The following GPATCH11 variants were observed in gnomAD, a reference collection of about 807,000 sequenced individuals.
The protein encoded by GPATCH11 is G-patch domain containing 11.
A neutral mutation model predicts 44.8 loss-of-function variants in GPATCH11; 32 were observed. The ratio of observed to expected loss-of-function variants is 0.71; its 90% CI spans 0.54 to 0.96. The LOEUF (loss-of-function observed/expected upper bound fraction) is 0.96. Among genes scored for constraint, GPATCH11 ranks in the 40% least tolerant of loss-of-function variants. GPATCH11 has a pLI of 0.00. For synonymous variants in GPATCH11, 84 were observed against 94.4 expected (o/e 0.89, Z 0.64); for missense variants, 324 against 303.1 (o/e 1.07, Z -0.51).
intron 8 of GPATCH11, 90 bp from the exon 9 acceptor site, chr2:37,096,118 C>G: frequency 1.3e-6 from 1 of 771,962 alleles, no homozygotes; most frequent in Non-Finnish European, 2.1e-6. Flanking sequence ...TAGAAAACAT[C>G]AGATCAAAAA....
intron 8 of GPATCH11, among the ~76,000 whole-genome samples, chr2:37,095,849 G>C (rs1673550825): frequency 6.6e-6 from 1 of 152,052 alleles, no homozygotes; most frequent in Non-Finnish European, 1.5e-5. Context: ...TTAAATTTTA[G>C]AGCTAATTTT....
intron 6 of GPATCH11, among the ~76,000 whole-genome samples, chr2:37,092,473 A>T (rs1405508390): frequency 7.4e-6 from 1 of 135,574 alleles, no homozygotes; most frequent in East Asian, 2.0e-4. Flanking sequence ...ATGTATTTAT[A>T]TATATAATAT....
Position 37,092,044 on chromosome 2 carries a change from T to G in GPATCH11, c.449+8T>G. The G allele has an allele frequency of 6.2e-7, 1 of 1,612,304 alleles. No homozygotes were observed. On this transcript the variant is annotated splice_region_variant and intron_variant, in intron 5 of 8. Transcript: ENST00000674370. ...AGCTGCAGAACAGTTTCGGTAAAAC[T>G]ATTTTTGAGCTGGTTTTGGTTCTAT...
rs888714209 is a variant in GPATCH11, at chr2:37,094,858, G to A, written c.655-579G>A. On this transcript the variant is annotated intron_variant, in intron 7 of 8. Transcript: ENST00000674370. The stretch of plus-strand genomic sequence containing the variant: ...CAGGAGGCTGAGGTAGGAGGATCAC[G>A]TGAGCCCGGGAGGCAGAGGTTGCGG... 5.3e-5 allele frequency among the ~76,000 whole-genome samples: 8 copies of A among 151,556 alleles called. No homozygotes were observed. The East Asian group carries it at 1.2e-3, about 22-fold the overall frequency.
rs555467057 is a variant in GPATCH11 at position 37,098,769 on chromosome 2, G to A, written c.*2506G>A. 5.9e-5 allele frequency: 9 copies of A among 152,294 alleles called. No individual in the cohort carries two copies. The highest frequency in any genetic ancestry group is 1.9e-4 in the East Asian group (1 of 5,182). The allele number at this position is 152,294 out of a possible 1,614,324, so 9.4% of individuals were successfully genotyped here. A position where few individuals can be genotyped will look rare whatever the true frequency, so the allele number is the denominator to read the frequency against. On this transcript the variant is annotated 3_prime_UTR_variant, in exon 9 of 9. Transcript: ENST00000674370. ...AAGATAAAAATACAGGCTTTCAGCC[G>A]GGTGCAGTGGTGCATGCCTTTGGTC...
At chr2:37,086,262 G>C (rs74679441) in intron 1 of GPATCH11, among the ~76,000 whole-genome samples, 1 of 152,172 alleles carries the variant, frequency 6.6e-6, no homozygotes, top group Non-Finnish European at 1.5e-5. Context: ...GTATTAAGCT[G>C]TACATTTGTT....
intron 1 of GPATCH11, among the ~76,000 whole-genome samples, 193 bp downstream of exon 1, chr2:37,084,763 T>G (rs1177208231): frequency 6.6e-6 from 1 of 152,116 alleles, no homozygotes; most frequent in Admixed American, 6.5e-5. Flanking sequence ...GTATTGAGAG[T>G]GGGACGTTTC....
In GPATCH11 at chr2:37,088,672, A is replaced by G. The variant is rs1335870883; in HGVS notation, c.59+232A>G. On this transcript the variant is annotated intron_variant, in intron 2 of 8. Transcript: ENST00000674370. Reference sequence around the variant, plus strand: ...GTTGGGACTGCAGGCCTGCACCATCATGCCCGGCTAACTCTTCTTTTTTAT... The same window carrying G: ...GTTGGGACTGCAGGCCTGCACCATCGTGCCCGGCTAACTCTTCTTTTTTAT... Among the ~76,000 whole-genome samples the G allele has an allele frequency of 2.0e-5, 3 of 152,212 alleles. No homozygotes were observed. The East Asian group carries it at 5.8e-4, about 29-fold the overall frequency.
In GPATCH11 at chr2:37,092,184, C is replaced by G; in HGVS notation, c.469C>G (p.Gln157Glu). ...AATTAGAATGCGACTTAAAAATAAG[C>G]AAGATGAAATGAAGCTAGAAGGAGA... ...EQFRMRLKNKQDEMKLEGDLR... is the reference protein window; with the variant it reads ...EQFRMRLKNKEDEMKLEGDLR... Residue 157 changes from glutamine (Q) to glutamate (E), a missense_variant, in exon 6 of 9, where the codon CAA (glutamine) becomes GAA (glutamate). Physicochemically the swap from Gln to Glu is conservative, Grantham distance 29. Transcript: ENST00000674370. 6.4e-7 allele frequency: 1 copy of G among 1,559,776 alleles called. No individual in the cohort carries two copies. Among genetic ancestry groups the G allele is most frequent in the Non-Finnish European group, 8.6e-7 (1 of 1,158,220 alleles).
chr2:37,091,671 C>T (rs1673325074), intron 4 of GPATCH11, among the ~76,000 whole-genome samples: 1 of 151,926 alleles, frequency 6.6e-6, no homozygotes, highest in African/African-American at 2.4e-5. Context: ...ACAGCTAATA[C>T]TGTTTTTCTG....
At chr2:37,085,183 C>A (rs1672942010) in intron 1 of GPATCH11, among the ~76,000 whole-genome samples, 1 of 152,150 alleles carries the variant, frequency 6.6e-6, no homozygotes, top group Admixed American at 6.5e-5. Flanking sequence ...ACCTGTAACC[C>A]CATTCAGATG....
intron 1 of GPATCH11, among the ~76,000 whole-genome samples, chr2:37,087,553 A>G (rs1027320964): frequency 1.4e-4 from 21 of 152,262 alleles, no homozygotes; most frequent in African/African-American, 4.8e-4. Context: ...GCCAATAATT[A>G]CATGATTTTA....
intron 6 of GPATCH11, among the ~76,000 whole-genome samples, chr2:37,092,894 C>T (rs932857439): frequency 2.6e-5 from 4 of 152,114 alleles, no homozygotes; most frequent in Admixed American, 2.0e-4. Context: ...TCCTGTAATC[C>T]TAGCACTTTG....
At chr2:37,092,421 TTA>T (rs1673377829) in intron 6 of GPATCH11, among the ~76,000 whole-genome samples, 166 bp downstream of exon 6, 1 of 146,130 alleles carries the variant, frequency 6.8e-6, no homozygotes, top group African/African-American at 2.5e-5. Flanking sequence ...TCATATATAT[TTA>T]TATATTTTTT....
chr2:37,092,324 TTATA>T, intron 6 of GPATCH11, 69 bp downstream of exon 6: 4 of 271,212 alleles, frequency 1.5e-5, no homozygotes, highest in East Asian at 8.8e-5. Flanking sequence ...CGTTTATTTA[TTATA>T]TATATATATA....
chr2:37,087,916 T>C (rs1435786032), intron 1 of GPATCH11, among the ~76,000 whole-genome samples: 2 of 152,164 alleles, frequency 1.3e-5, no homozygotes, highest in Non-Finnish European at 2.9e-5. Flanking sequence ...CTGACTTGTA[T>C]TTAAAAACAA....
At chr2:37,090,230 T>C (rs1313664265) in intron 3 of GPATCH11, among the ~76,000 whole-genome samples, 3 of 152,258 alleles carry the variant, frequency 2.0e-5, no homozygotes, top group East Asian at 3.8e-4. Flanking sequence ...CCCTGCTTGC[T>C]CTGTACCTGT....
Position 37,097,763 on chromosome 2 carries a change from A to G in GPATCH11, c.*1500A>G, listed in dbSNP as rs1252180086. The G allele has an allele frequency of 3.9e-5, 6 of 152,200 alleles. No individual in the cohort carries two copies. The East Asian group carries it at 1.2e-3, about 29-fold the overall frequency. 9.4% of individuals were successfully genotyped at this position (152,200 alleles called of 1,614,324 possible). A position where few individuals can be genotyped will look rare whatever the true frequency, so the allele number is the denominator to read the frequency against. ...CTAATATGACCTAATTCACTTTTCA[A>G]GTTTAACTTGGGGAGCTTTACAAAA... On this transcript the variant is annotated 3_prime_UTR_variant, in exon 9 of 9. Transcript: ENST00000674370.
intron 6 of GPATCH11, among the ~76,000 whole-genome samples, chr2:37,093,257 G>A (rs1673420097): frequency 6.6e-6 from 1 of 152,166 alleles, no homozygotes; most frequent in African/African-American, 2.4e-5. Context: ...CACTTTGAGA[G>A]GACGAGGCTG....
Sources: allele counts gnomAD v4.1 joint callset (sites outside exome capture counted in the v4.1 genomes callset), GRCh38; gene constraint gnomAD v4.1.1; transcripts MANE v1.5; gene names NCBI Gene and HGNC (gene_info 2026-07-23, HGNC 2026-07-21).